The following TFAP2D variants were observed in gnomAD, a reference collection of about 807,000 sequenced individuals.
TFAP2D encodes the protein transcription factor AP-2 delta.
TFAP2D carries 9 observed loss-of-function variants against 43.6 expected under a neutral mutation model. That is an observed-to-expected ratio of 0.21 (90% CI 0.12 to 0.36). The LOEUF is 0.36. Among genes scored for constraint, TFAP2D ranks in the 10% least tolerant of loss-of-function variants. The pLI is 1.00. For missense variants in TFAP2D, 513 were observed against 561.4 expected, an observed-to-expected ratio of 0.91 and a Z score of 0.87; for synonymous variants, 256 against 224.9, an observed-to-expected ratio of 1.14 and a Z score of -1.24.
intron 5 of TFAP2D, among the ~76,000 whole-genome samples, chr6:50,738,954 C>T (rs1338674194): frequency 6.6e-6 from 1 of 152,166 alleles, no homozygotes; most frequent in Non-Finnish European, 1.5e-5. Context: ...TCCTCACCTA[C>T]TGCTTTCTCT....
intron 7 of TFAP2D, among the ~76,000 whole-genome samples, chr6:50,757,416 CTATATAGAATA>C (rs71815138): frequency 0.016 from 1,933 of 117,930 alleles, 93 homozygotes; most frequent in African/African-American, 0.06. Flanking sequence ...ATTATTCTCT[CTATATAGAATA>C]TATATAGAAT....
intron 3 of TFAP2D, among the ~76,000 whole-genome samples, chr6:50,719,501 G>GAAAT (rs3835214): frequency 1.5e-5 from 2 of 133,460 alleles, no homozygotes; most frequent in African/African-American, 5.5e-5. Flanking sequence ...AAGAAAGAAA[G>GAAAT]AAGTTTCTCA....
chr6:50,734,904 G>C (rs978544311), intron 5 of TFAP2D, among the ~76,000 whole-genome samples: 1 of 152,000 alleles, frequency 6.6e-6, no homozygotes, highest in Non-Finnish European at 1.5e-5. Context: ...TTGCACAATA[G>C]GCCCCTCATA....
chr6:50,742,573 C>CATAGATAGATAGATAG (rs144051096), intron 5 of TFAP2D, among the ~76,000 whole-genome samples: 1 of 145,382 alleles, frequency 6.9e-6, no homozygotes, highest in African/African-American at 2.6e-5. Context: ...GACAGACACA[C>CATAGATAGATAGATAG]ATAGATAGAT....
chr6:50,768,333 CT>C (rs35287000), intron 7 of TFAP2D, among the ~76,000 whole-genome samples: 35,045 of 124,086 alleles, frequency 0.28, 4,452 homozygotes, highest in East Asian at 0.38. Context: ...TTTTCTCTCC[CT>C]TTTTTTTTTT....
intron 5 of TFAP2D, among the ~76,000 whole-genome samples, chr6:50,739,440 A>C (rs891253058): frequency 1.3e-5 from 2 of 152,116 alleles, no homozygotes; most frequent in Non-Finnish European, 2.9e-5. Context: ...CATGGTGTAT[A>C]TGTGCCACAT....
intron 3 of TFAP2D, among the ~76,000 whole-genome samples, chr6:50,720,751 A>G (rs115854334): frequency 0.024 from 3,602 of 152,218 alleles, 66 homozygotes; most frequent in Non-Finnish European, 0.036. Flanking sequence ...ACGGGTAAAA[A>G]TAAGGTGAGG....
At chr6:50,729,115 C>A (rs1768848202) in intron 4 of TFAP2D, 79 bp from the exon 5 acceptor site, 1 of 1,600,116 alleles carries the variant, frequency 6.2e-7, no homozygotes. Context: ...ATAGTGTATT[C>A]CCCATGTGGT....
At chr6:50,728,207 G>C (rs1299632174) in intron 3 of TFAP2D, among the ~76,000 whole-genome samples, 1 of 152,188 alleles carries the variant, frequency 6.6e-6, no homozygotes, top group East Asian at 1.9e-4. Flanking sequence ...CATTTAATAA[G>C]TATTATGATT....
chr6:50,736,379 T>C (rs1040695043), intron 5 of TFAP2D, among the ~76,000 whole-genome samples: 1 of 152,140 alleles, frequency 6.6e-6, no homozygotes, highest in African/African-American at 2.4e-5. Flanking sequence ...AGGTTTCGTA[T>C]CATTCATAAA....
intron 6 of TFAP2D, among the ~76,000 whole-genome samples, chr6:50,750,885 A>G (rs1395602353): frequency 6.6e-6 from 1 of 152,056 alleles, no homozygotes; most frequent in Non-Finnish European, 1.5e-5. Flanking sequence ...TTCAATTAAA[A>G]AGATCATAGT....
At chr6:50,731,529 T>C (rs1768893320) in intron 5 of TFAP2D, among the ~76,000 whole-genome samples, 1 of 152,080 alleles carries the variant, frequency 6.6e-6, no homozygotes, top group Non-Finnish European at 1.5e-5. Context: ...TGATTCCATA[T>C]TTTGTTTCTT....
At chr6:50,726,787 G>A (rs943617942) in intron 3 of TFAP2D, among the ~76,000 whole-genome samples, 12 of 152,080 alleles carry the variant, frequency 7.9e-5, no homozygotes, top group Admixed American at 2.0e-4. Context: ...GAGTGAAACC[G>A]ATAACAAAAG....
chr6:50,757,736 T>TAG (rs1769303504), intron 7 of TFAP2D, among the ~76,000 whole-genome samples: 2 of 68,198 alleles, frequency 2.9e-5, no homozygotes, highest in African/African-American at 9.7e-5. Context: ...ATTCTATATA[T>TAG]AGAATATATA....
At chr6:50,727,619 C>A (rs556416533) in intron 3 of TFAP2D, among the ~76,000 whole-genome samples, 1 of 152,332 alleles carries the variant, frequency 6.6e-6, no homozygotes, top group East Asian at 1.9e-4. Context: ...AGACAACACT[C>A]TTCTGCCCAT....
chr6:50,714,392 C>T (rs948490849), intron 1 of TFAP2D, among the ~76,000 whole-genome samples: 8 of 151,396 alleles, frequency 5.3e-5, no homozygotes, highest in Non-Finnish European at 1.0e-4. Flanking sequence ...GAGATAGAGA[C>T]GGAAAGAAAG....
Position 50,772,835 on chromosome 6 carries a change from A to G in TFAP2D, c.1330A>G (p.Lys444Glu). 1 of 1,613,904 alleles carries G rather than the reference A, an allele frequency of 6.2e-7. No homozygotes were observed. The highest frequency in any genetic ancestry group is 8.5e-7 in the Non-Finnish European group (1 of 1,179,902). Residue 444 changes from lysine to glutamate, a missense_variant, in exon 8 of 8, where the codon AAA becomes GAA. By Grantham distance (56) the Lys-to-Glu change is moderately conservative. Around this residue, in one of 3 missense-constraint regions of TFAP2D, gnomAD observed 199 missense variants for 227.9 expected, o/e 0.87. Coordinates refer to ENST00000008391, the MANE Select transcript of TFAP2D (RefSeq NM_172238.4). ...PLRKTSEAAV[K>E]EGKTEKTD ...GCGGAAAACTTCAGAGGCTGCCGTGAAAGAGGGCAAAACAGAAAAGACAGA... is the reference window on the plus strand; with the variant it reads ...GCGGAAAACTTCAGAGGCTGCCGTGGAAGAGGGCAAAACAGAAAAGACAGA...
intron 6 of TFAP2D, among the ~76,000 whole-genome samples, chr6:50,750,535 G>A (rs1769186374): frequency 6.6e-6 from 1 of 151,876 alleles, no homozygotes; most frequent in African/African-American, 2.4e-5. Context: ...AGTCTTTACT[G>A]TTACATTGTA....
intron 7 of TFAP2D, among the ~76,000 whole-genome samples, chr6:50,772,108 T>C (rs1047279389): frequency 4.6e-5 from 7 of 152,140 alleles, no homozygotes; most frequent in Non-Finnish European, 8.8e-5. Flanking sequence ...TGGATGAAGC[T>C]GGAAACCATC....
Sources: gnomAD v4.1 joint callset for allele counts (sites outside exome capture counted in the v4.1 genomes callset) on GRCh38, gnomAD v4.1.1 for gene constraint, gnomAD v4.1.1 regional missense constraint, MANE v1.5 for transcripts, NCBI Gene and HGNC (gene_info 2026-07-23, HGNC 2026-07-21) for gene names.